CLNK: variants seen among roughly 807,000 people sequenced by gnomAD.
CLNK encodes the protein cytokine-dependent hematopoietic cell linker.
A neutral mutation model predicts 68.6 loss-of-function variants in CLNK; 74 were observed. The ratio of observed to expected loss-of-function variants is 1.08; its 90% CI spans 0.89 to 1.31. CLNK has a LOEUF of 1.31. Ranked by LOEUF, CLNK falls within the 50% of genes most tolerant of loss-of-function variation. The pLI, the probability that CLNK is intolerant of heterozygous loss-of-function variation, is 0.00. For synonymous variants in CLNK, 198 were observed against 172.2 expected (o/e 1.15, Z -1.17); for missense variants, 553 against 515.3 (o/e 1.07, Z -0.71).
chr4:10,587,903 A>G (rs1416745388), intron 3 of CLNK, among the ~76,000 whole-genome samples: 1 of 152,192 alleles, frequency 6.6e-6, no homozygotes, highest in Non-Finnish European at 1.5e-5. Context: ...CCTTGTGGTT[A>G]ACAGTTGGCG....
intron 2 of CLNK, among the ~76,000 whole-genome samples, chr4:10,610,778 A>T: frequency 7.0e-4 from 1 of 1,434 alleles, no homozygotes; most frequent in South Asian, 0.036. Flanking sequence ...AGCAACACAC[A>T]CACACACACA....
At chr4:10,690,288 C>T in the CLNK span, among the ~76,000 whole-genome samples, 3 of 152,282 alleles carry the variant, frequency 2.0e-5, no homozygotes, top group Admixed American at 6.5e-5. Context: ...AAGAACCCAA[C>T]ATGGGTAAAT....
At chr4:10,677,991 T>C (rs1374714800) in intron 1 of CLNK, among the ~76,000 whole-genome samples, 2 of 152,218 alleles carry the variant, frequency 1.3e-5, no homozygotes, top group African/African-American at 4.8e-5. Context: ...AAGAGACTTC[T>C]TCTGAGCCAA....
chr4:10,559,263 G>A (rs1434953929), intron 7 of CLNK, among the ~76,000 whole-genome samples: 1 of 152,156 alleles, frequency 6.6e-6, no homozygotes, highest in African/African-American at 2.4e-5. Flanking sequence ...GGTGGGTCAG[G>A]GGCCCATTGA....
At chr4:10,552,277 A>C (rs1719493114) in intron 8 of CLNK, among the ~76,000 whole-genome samples, 1 of 152,162 alleles carries the variant, frequency 6.6e-6, no homozygotes, top group South Asian at 2.1e-4. Context: ...AGTTTAAATG[A>C]TAATAGGACT....
At chr4:10,635,327 G>A (rs1182483187) in intron 2 of CLNK, among the ~76,000 whole-genome samples, 1 of 152,126 alleles carries the variant, frequency 6.6e-6, no homozygotes, top group Non-Finnish European at 1.5e-5. Flanking sequence ...GAAGTGTCAG[G>A]AGATCCTGCC....
At chr4:10,687,726 G>A (rs1407785320), upstream of CLNK, among the ~76,000 whole-genome samples, 1 of 152,078 alleles carries the variant, frequency 6.6e-6, no homozygotes, top group African/African-American at 2.4e-5. Flanking sequence ...CTCAATCTCA[G>A]GCCAGCTGCA....
At chr4:10,576,210 C>A (rs535291862) in intron 4 of CLNK, among the ~76,000 whole-genome samples, 75 of 152,336 alleles carry the variant, frequency 4.9e-4, no homozygotes, top group African/African-American at 1.8e-3. Flanking sequence ...GACCCAGATC[C>A]CCACCAAAGT....
chr4:10,590,610 C>G (rs985178941), intron 3 of CLNK, among the ~76,000 whole-genome samples: 1 of 152,218 alleles, frequency 6.6e-6, no homozygotes, highest in African/African-American at 2.4e-5. Flanking sequence ...CTGAAATTAA[C>G]TGGCCCAGCT....
chr4:10,598,751 A>T (rs752610065), intron 2 of CLNK: 11 of 384,622 alleles, frequency 2.9e-5, no homozygotes, highest in South Asian at 2.1e-4. Context: ...CACGTTTCCC[A>T]CATTTTCCTT....
intron 2 of CLNK, among the ~76,000 whole-genome samples, chr4:10,629,587 C>A (rs1185585626): frequency 6.6e-6 from 1 of 152,222 alleles, no homozygotes; most frequent in Non-Finnish European, 1.5e-5. Context: ...AACCTCAGCA[C>A]AAGGTTGAGT....
At chr4:10,591,990 A>G (rs965174426) in intron 3 of CLNK, among the ~76,000 whole-genome samples, 2 of 152,190 alleles carry the variant, frequency 1.3e-5, no homozygotes, top group African/African-American at 4.8e-5. Flanking sequence ...ACTCTCATCA[A>G]GCTCATACAC....
rs1018776070 is a variant in CLNK, at chr4:10,489,437, A to G, written c.*1030T>C. On this transcript the variant is annotated 3_prime_UTR_variant, in exon 19 of 19. Coordinates refer to ENST00000226951, the MANE Select transcript of CLNK (RefSeq NM_052964.4). ...GCTTGCCTGAAGGCTAGTGTAGGAT[A>G]TAATCTGAGCTCTGTACTATGAATG... is the stretch of plus-strand genomic sequence containing the variant. 6.6e-6 allele frequency: 1 copy of G among 152,168 alleles called. No homozygotes were observed. The highest frequency in any genetic ancestry group is 1.5e-5 in the Non-Finnish European group (1 of 68,042). 9.4% of individuals were successfully genotyped at this position (152,168 alleles called of 1,614,324 possible).
chr4:10,734,760 C>T, the CLNK span, among the ~76,000 whole-genome samples: 2 of 152,120 alleles, frequency 1.3e-5, no homozygotes, highest in Admixed American at 6.5e-5. Context: ...GTACAGTGGT[C>T]AAGGAGAGCC....
chr4:10,604,227 G>A (rs1178544594), intron 2 of CLNK, among the ~76,000 whole-genome samples: 2 of 152,182 alleles, frequency 1.3e-5, no homozygotes, highest in Admixed American at 1.3e-4. Flanking sequence ...ACAACCAGTA[G>A]CATCAAGAAG....
chr4:10,699,315 ATACACACACACCACATACGTGTGTG>A, the CLNK span, among the ~76,000 whole-genome samples: 1 of 79,808 alleles, frequency 1.3e-5, no homozygotes, highest in African/African-American at 3.8e-5. Context: ...ACATACGTGT[ATACACACACACCACATACGTGTGTG>A]TATACACACA....
intron 2 of CLNK, among the ~76,000 whole-genome samples, chr4:10,634,614 C>T (rs1426392299): frequency 6.6e-6 from 1 of 152,180 alleles, no homozygotes; most frequent in Non-Finnish European, 1.5e-5. Context: ...TAAGTACTTT[C>T]AGTTGCCCTA....
the CLNK span, chr4:10,697,758 T>A: frequency 6.6e-6 from 1 of 152,224 alleles, no homozygotes; most frequent in Non-Finnish European, 1.5e-5. Flanking sequence ...CTAAATTGGC[T>A]CTTCACTCTC....
chr4:10,582,789 A>G (rs1383520831), intron 4 of CLNK, among the ~76,000 whole-genome samples: 3 of 152,240 alleles, frequency 2.0e-5, no homozygotes, highest in African/African-American at 7.2e-5. Flanking sequence ...AATAAAAATT[A>G]CTATACTGTT....
Sources: allele counts gnomAD v4.1 joint callset (sites outside exome capture counted in the v4.1 genomes callset), GRCh38; gene constraint gnomAD v4.1.1; transcripts MANE v1.5; gene names NCBI Gene and HGNC (gene_info 2026-07-23, HGNC 2026-07-21).